The following TECPR1 variants were observed in gnomAD, a reference collection of about 807,000 sequenced individuals.
TECPR1 encodes tectonin beta-propeller repeat containing 1.
TECPR1 carries 122 observed loss-of-function variants against 162.4 expected under a neutral mutation model. That is an observed-to-expected ratio of 0.75 (90% confidence interval 0.65 to 0.87). The LOEUF is 0.87. Ranked by LOEUF, TECPR1 falls within the 40% of genes least tolerant of loss-of-function variation. The probability of loss-of-function intolerance (pLI) is 0.00; values close to 1 mark genes in which losing one functional copy is unlikely to be tolerated. For missense variants in TECPR1, 1,432 were observed against 1,618.2 expected, an observed-to-expected ratio of 0.88 and a Z score of 1.97; for synonymous variants, 642 against 670.6, an observed-to-expected ratio of 0.96 and a Z score of 0.66.
At chr7:98,231,703 C>A in intron 13 of TECPR1, 101 bp downstream of exon 13, 1 of 1,395,166 alleles carries the variant, frequency 7.2e-7, no homozygotes. Flanking sequence ...ACCCTCATTT[C>A]TGTACCCCTC....
intron 21 of TECPR1, 169 bp downstream of exon 21, chr7:98,222,821 C>T: frequency 1.1e-6 from 1 of 948,258 alleles, no homozygotes; most frequent in Non-Finnish European, 1.6e-6. Context: ...GTCACCCCCG[C>T]CCCACCCGCC....
Position 98,231,815 on chromosome 7 carries a change from C to T in TECPR1, c.1963G>A (p.Glu655Lys), listed in dbSNP as rs957246490. 25 of 1,611,878 alleles carry T rather than the reference C, an allele frequency of 1.6e-5. No homozygotes were observed. Among genetic ancestry groups the T allele is most frequent in the Admixed American group, 1.7e-5 (1 of 59,930 alleles). The change falls in exon 13 of 26, where the codon GAG becomes AAG. Residue 655 changes from glutamate (E) to lysine (K), a missense_variant. By Grantham distance (56) the Glu-to-Lys change is moderately conservative (BLOSUM62 1). Coordinates refer to ENST00000447648, the MANE Select transcript of TECPR1 (RefSeq NM_015395.3). Reference sequence around the variant, plus strand: ...GGACCCGTGGGCACCTTCTTCTCCTCGTGGACCACATAGTAGATGAAGAGG... The same window carrying T: ...GGACCCGTGGGCACCTTCTTCTCCTTGTGGACCACATAGTAGATGAAGAGG... ...SILFIYYVVH[E>K]EKKYIHIFLN...
chr7:98,233,684 G>T lies in TECPR1; in HGVS notation c.1409C>A (p.Ala470Asp), dbSNP rs1276021066. The T allele has an allele frequency of 6.2e-7, 1 of 1,608,114 alleles. No individual in the cohort carries two copies. Among genetic ancestry groups the T allele is most frequent in the Admixed American group, 1.7e-5 (1 of 59,732 alleles). ...CGGGCCGGGGTGCGTGTTGGGTCTGGCCTCCCTGCTGCCCTCGGCTGGGCA... is the reference window on the plus strand; with the variant it reads ...CGGGCCGGGGTGCGTGTTGGGTCTGTCCTCCCTGCTGCCCTCGGCTGGGCA... The part of the protein sequence containing the change: ...DACPAEGSRE[A>D]RPNTHPGPAP... Residue 470 changes from alanine (A) to aspartate (D), a missense_variant, in exon 11 of 26, where the codon GCC becomes GAC. Ala to Asp is a moderately radical substitution (Grantham distance 126). Coordinates refer to ENST00000447648, the MANE Select transcript of TECPR1 (RefSeq NM_015395.3).
rs201419280 is a variant in TECPR1, at chr7:98,228,156, G to C, written c.2411-40C>G. 2.2e-4 allele frequency: 318 copies of C among 1,471,240 alleles called. 1 individual carries two copies. Among genetic ancestry groups the C allele is most frequent in the Middle Eastern group, 1.1e-3 (6 of 5,232 alleles). The allele number at this position is 1,471,240 out of a possible 1,614,324, so 91.1% of individuals were successfully genotyped here. On this transcript the variant is annotated intron_variant, in intron 16 of 25. Transcript: ENST00000447648. Reference sequence around the variant, plus strand: ...GGCTGCTGGGACCGAGGCCACATACGCTCCGCTTGGGACTCTGGCTTTCCG... The same window carrying C: ...GGCTGCTGGGACCGAGGCCACATACCCTCCGCTTGGGACTCTGGCTTTCCG...
intron 22 of TECPR1, 41 bp from the exon 23 acceptor site, chr7:98,221,794 C>T: frequency 6.4e-7 from 1 of 1,560,458 alleles, no homozygotes; most frequent in Non-Finnish European, 8.8e-7. Context: ...GCCTTCTCCT[C>T]CTTGCATGGG....
intron 21 of TECPR1, 120 bp downstream of exon 21, chr7:98,222,870 C>G: frequency 7.4e-7 from 1 of 1,357,924 alleles, no homozygotes; most frequent in South Asian, 1.3e-5. Flanking sequence ...CAGGGACCCA[C>G]TCGGACCACA....
At chr7:98,240,607 G>C (rs1391194008) in intron 8 of TECPR1, among the ~76,000 whole-genome samples, 1 of 152,060 alleles carries the variant, frequency 6.6e-6, no homozygotes, top group Non-Finnish European at 1.5e-5. Context: ...TAGAAACAAG[G>C]TTTCACCATG....
intron 25 of TECPR1, 29 bp downstream of exon 25, chr7:98,217,663 C>T (rs1282360811): frequency 6.6e-7 from 1 of 1,524,596 alleles, no homozygotes; most frequent in Non-Finnish European, 8.8e-7. Flanking sequence ...AAGGTGATAA[C>T]ACAGCCCAAG....
rs746022472 is a variant in TECPR1 at position 98,222,387 on chromosome 7, G to A, written c.3063C>T (p.Ala1021=). The part of the protein sequence containing the change: ...YRGSVYPSQP[A]GDCWYHIPSP... ...GGGCTCCTGGGGCGCGGCACTCACCGGCTGGCTGCGAGGGGTACACGGATC... is the reference window on the plus strand; with the variant it reads ...GGGCTCCTGGGGCGCGGCACTCACCAGCTGGCTGCGAGGGGTACACGGATC... The change falls in exon 22 of 26, where the codon GCC becomes GCT. Residue 1021 remains alanine, a splice_region_variant and synonymous_variant. Transcript: ENST00000447648. 12 of 1,603,334 alleles carry A rather than the reference G, an allele frequency of 7.5e-6. No individual in the cohort carries two copies. Among genetic ancestry groups the A allele is most frequent in the African/African-American group, 5.3e-5 (4 of 74,824 alleles).
Position 98,223,188 on chromosome 7 carries a change from G to T in TECPR1, c.2748-18C>A, listed in dbSNP as rs1184906934. 3.5e-5 allele frequency: 55 copies of T among 1,577,642 alleles called. No homozygotes were observed. The highest frequency in any genetic ancestry group is 4.7e-5 in the Non-Finnish European group (55 of 1,161,572). On this transcript the variant is annotated intron_variant, in intron 20 of 25. Transcript: ENST00000447648. The stretch of plus-strand genomic sequence containing the variant: ...TGCATTTTCTGTACAGTGGAGAGGG[G>T]ACACAGCCCAGGGACCCCAAGGTGA...
Position 98,233,526 on chromosome 7 carries a change from C to G in TECPR1, c.1567G>C (p.Glu523Gln). 6.3e-7 allele frequency: 1 copy of G among 1,579,940 alleles called. No individual in the cohort carries two copies. The highest frequency in any genetic ancestry group is 8.6e-7 in the Non-Finnish European group (1 of 1,166,070). Residue 523 changes from glutamate to glutamine, a missense_variant, in exon 11 of 26, where the codon GAG (glutamate) becomes CAG (glutamine). Coordinates refer to ENST00000447648, the MANE Select transcript of TECPR1 (RefSeq NM_015395.3). ...SSLGLLPLGL[E>Q]EPYGVDDHPL... ...TGGTCATCCACCCCATACGGCTCCT[C>G]CAAGCCCAGTGGGAGGAGCCCCAGA... is the stretch of plus-strand genomic sequence containing the variant.
Position 98,240,850 on chromosome 7 carries a change from C to A in TECPR1, c.933+1G>T. On this transcript the variant is annotated splice_donor_variant, in intron 8 of 25. Transcript: ENST00000447648. LOFTEE classifies it high-confidence loss of function. ...ATCCCCCAGCCTCATCCCCATCTTACCTTCCAGTCCTTGGTGACAGCCCAG... is the reference window on the plus strand; with the variant it reads ...ATCCCCCAGCCTCATCCCCATCTTAACTTCCAGTCCTTGGTGACAGCCCAG... 4 of 1,598,520 alleles carry A rather than the reference C, an allele frequency of 2.5e-6. No individual in the cohort carries two copies. Among genetic ancestry groups the A allele is most frequent in the Non-Finnish European group, 3.4e-6 (4 of 1,175,406 alleles).
intron 2 of TECPR1, among the ~76,000 whole-genome samples, chr7:98,249,372 C>G (rs1584363626): frequency 1.3e-5 from 2 of 152,132 alleles, no homozygotes; most frequent in East Asian, 3.9e-4. Context: ...AGTAAGAGCC[C>G]CTCCCAGAGC....
chr7:98,215,276 T>G lies in TECPR1; in HGVS notation c.*2114A>C, dbSNP rs1210782898. On this transcript the variant is annotated 3_prime_UTR_variant, in exon 26 of 26. Coordinates refer to ENST00000447648, the MANE Select transcript of TECPR1 (RefSeq NM_015395.3). ...AGAAGCCAGAACCGCGATTGTTGCA[T>G]CTGGGAAAACCCAGCTGGAGCCGAA... 6.6e-6 allele frequency: 1 copy of G among 152,240 alleles called. No individual in the cohort carries two copies. The highest frequency in any genetic ancestry group is 1.5e-5 in the Non-Finnish European group (1 of 68,044). 9.4% of individuals were successfully genotyped at this position (152,240 alleles called of 1,614,324 possible).
In TECPR1 at chr7:98,244,884, C is replaced by T; in HGVS notation, c.408+1G>A. On this transcript the variant is annotated splice_donor_variant, in intron 4 of 25. Transcript: ENST00000447648. LOFTEE classifies it high-confidence loss of function. ...TCATGGAGGGTCCCAAGTTCACCTA[C>T]CCCTTTCTCAGTGGGTTCACCTCCA... 6.2e-7 allele frequency: 1 copy of T among 1,613,000 alleles called. No homozygotes were observed. Among genetic ancestry groups the T allele is most frequent in the Non-Finnish European group, 8.5e-7 (1 of 1,179,848 alleles).
chr7:98,226,120 C>T (rs576765860), intron 17 of TECPR1, among the ~76,000 whole-genome samples: 1 of 152,270 alleles, frequency 6.6e-6, no homozygotes, highest in African/African-American at 2.4e-5. Flanking sequence ...GATGTGGGTG[C>T]GCAGCCCTGC....
chr7:98,227,544 G>C (rs906021324), intron 17 of TECPR1, among the ~76,000 whole-genome samples: 1 of 152,008 alleles, frequency 6.6e-6, no homozygotes, highest in Non-Finnish European at 1.5e-5. Flanking sequence ...CTTCTGACCG[G>C]GCGTGGTGGC....
At position 98,217,350 on chromosome 7, in the gene TECPR1, A is replaced by C; in HGVS notation, c.*40T>G. ...AGAATGGCTCAGCCTTGATCCCCCA[A>C]ACTGGGCACCGTCCCTGCATGTAGG... On this transcript the variant is annotated 3_prime_UTR_variant, in exon 26 of 26. Coordinates refer to ENST00000447648, the MANE Select transcript of TECPR1 (RefSeq NM_015395.3). 1 of 1,310,968 alleles carries C rather than the reference A, an allele frequency of 7.6e-7. No homozygotes were observed. The allele number at this position is 1,310,968 out of a possible 1,614,324, so 81.2% of individuals were successfully genotyped here. A position where few individuals can be genotyped will look rare whatever the true frequency, so the allele number is the denominator to read the frequency against.
chr7:98,218,080 T>A, intron 23 of TECPR1, 38 bp from the exon 24 acceptor site: 1 of 1,504,900 alleles, frequency 6.6e-7, no homozygotes, highest in Non-Finnish European at 9.0e-7. Flanking sequence ...GGGGAAGACC[T>A]TCCCGGCCCC....
Sources: gnomAD v4.1 joint callset for allele counts (sites outside exome capture counted in the v4.1 genomes callset) on GRCh38, gnomAD v4.1.1 for gene constraint, MANE v1.5 for transcripts, NCBI Gene and HGNC (gene_info 2026-07-23, HGNC 2026-07-21) for gene names.